DCAF10: variants seen among roughly 807,000 people sequenced by gnomAD.
DCAF10 encodes the protein DDB1 and CUL4 associated factor 10, also known as DDB1- and CUL4-associated factor 10.
Under a neutral mutation model 51.9 loss-of-function variants are expected in DCAF10, and 19 were observed. The ratio of observed to expected loss-of-function variants is 0.37; its 90% CI spans 0.26 to 0.54. The LOEUF is 0.54. Among genes scored for constraint, DCAF10 ranks in the 20% least tolerant of loss-of-function variants. The pLI is 0.87. For synonymous variants in DCAF10, 291 were observed against 297.1 expected, an observed-to-expected ratio of 0.98 and a Z score of 0.21; for missense variants, 510 against 730.6, an observed-to-expected ratio of 0.70 and a Z score of 3.48.
intron 2 of DCAF10, among the ~76,000 whole-genome samples, chr9:37,835,584 A>G (rs1479914874): frequency 6.6e-6 from 1 of 152,014 alleles, no homozygotes; most frequent in Non-Finnish European, 1.5e-5. Flanking sequence ...TCCAAAAAAA[A>G]AAAGTTACCT....
chr9:37,832,823 C>T (rs1386371878), intron 2 of DCAF10, among the ~76,000 whole-genome samples: 1 of 152,106 alleles, frequency 6.6e-6, no homozygotes, highest in African/African-American at 2.4e-5. Context: ...ATTGATGAGG[C>T]CCTTGAATAT....
At chr9:37,839,901 G>A (rs1218596707) in intron 2 of DCAF10, among the ~76,000 whole-genome samples, 1 of 152,158 alleles carries the variant, frequency 6.6e-6, no homozygotes, top group Non-Finnish European at 1.5e-5. Flanking sequence ...TATGTGTCTG[G>A]CACCATGTGT....
chr9:37,807,669 T>C (rs1829162857), intron 1 of DCAF10, among the ~76,000 whole-genome samples: 1 of 146,012 alleles, frequency 6.8e-6, no homozygotes. Context: ...TTTTTTTTTT[T>C]TTTTTTTTTT....
At chr9:37,810,696 A>G (rs1829316561) in intron 1 of DCAF10, among the ~76,000 whole-genome samples, 2 of 152,164 alleles carry the variant, frequency 1.3e-5, no homozygotes, top group Non-Finnish European at 2.9e-5. Flanking sequence ...TCCTGACCTC[A>G]GGTGATCTGT....
At chr9:37,860,285 TCTCTGCC>T in intron 6 of DCAF10, 92 bp downstream of exon 6, 1 of 1,521,994 alleles carries the variant, frequency 6.6e-7, no homozygotes, top group Non-Finnish European at 8.9e-7. Flanking sequence ...CTGACTGCAG[TCTCTGCC>T]TTCAAGGGCA....
At chr9:37,822,964 C>T (rs2117867228) in intron 2 of DCAF10, among the ~76,000 whole-genome samples, 1 of 151,880 alleles carries the variant, frequency 6.6e-6, no homozygotes, top group South Asian at 2.1e-4. Flanking sequence ...AAGACTCTAT[C>T]CTTATAAAAA....
At chr9:37,842,631 C>T (rs1388489696) in intron 3 of DCAF10, among the ~76,000 whole-genome samples, 3 of 152,086 alleles carry the variant, frequency 2.0e-5, no homozygotes, top group South Asian at 4.1e-4. Context: ...ATTTATTTTG[C>T]AATTTTTGTT....
Position 37,801,412 on chromosome 9 carries a change from G to A in DCAF10, c.539+7G>A. ...TCGAGTACTCGCCCGACGGGTAAGC[G>A]CGGCCCCTCGGAGGGCGGGCGCCCG... On this transcript the variant is annotated splice_region_variant and intron_variant, in intron 1 of 6. Coordinates refer to ENST00000377724, the MANE Select transcript of DCAF10 (RefSeq NM_024345.5). This position sits in a 1 kb window ranked among gnomAD's most constrained non-coding sequence, Gnocchi z 5.5. The A allele has an allele frequency of 6.8e-7, 1 of 1,461,582 alleles. No individual in the cohort carries two copies. Among genetic ancestry groups the A allele is most frequent in the Non-Finnish European group, 9.1e-7 (1 of 1,103,712 alleles). 90.5% of individuals were successfully genotyped at this position (1,461,582 alleles called of 1,614,324 possible).
At chr9:37,839,329 G>A (rs1274489648) in intron 2 of DCAF10, among the ~76,000 whole-genome samples, 2 of 151,974 alleles carry the variant, frequency 1.3e-5, no homozygotes, top group Non-Finnish European at 2.9e-5. Context: ...CAAAGTGCTG[G>A]GATTACAGGC....
At chr9:37,857,448 A>G (rs1830884495) in intron 5 of DCAF10, 97 bp downstream of exon 5, 3 of 888,014 alleles carry the variant, frequency 3.4e-6, no homozygotes, top group East Asian at 6.0e-5. Flanking sequence ...GTTTTAATCC[A>G]TAAAAATAAA....
chr9:37,848,243 A>G (rs1231353036), intron 3 of DCAF10, among the ~76,000 whole-genome samples: 6 of 152,214 alleles, frequency 3.9e-5, no homozygotes, highest in African/African-American at 1.4e-4. Flanking sequence ...AGAAATGAAC[A>G]TATATGGCCA....
intron 2 of DCAF10, among the ~76,000 whole-genome samples, chr9:37,823,350 A>G (rs1208063563): frequency 1.3e-5 from 2 of 152,206 alleles, no homozygotes; most frequent in East Asian, 3.8e-4. Context: ...AGTCAAGAGA[A>G]AATCTTAGAA....
chr9:37,856,124 C>G (rs938522048), intron 4 of DCAF10, among the ~76,000 whole-genome samples: 1 of 151,996 alleles, frequency 6.6e-6, no homozygotes, highest in Non-Finnish European at 1.5e-5. Flanking sequence ...CTGCCCTCCA[C>G]CCTGGGCAAC....
intron 2 of DCAF10, among the ~76,000 whole-genome samples, chr9:37,819,856 A>G (rs1012189740): frequency 6.6e-6 from 1 of 152,220 alleles, no homozygotes; most frequent in African/African-American, 2.4e-5. Context: ...TTAATTTTCA[A>G]TAATGTGGGA....
At chr9:37,846,986 G>A (rs1262089734) in intron 3 of DCAF10, among the ~76,000 whole-genome samples, 1 of 152,026 alleles carries the variant, frequency 6.6e-6, no homozygotes, top group East Asian at 1.9e-4. Flanking sequence ...GGGTGTGGTG[G>A]CTCATGCCTG....
intron 2 of DCAF10, among the ~76,000 whole-genome samples, chr9:37,833,644 T>A (rs1830066438): frequency 6.6e-6 from 1 of 152,210 alleles, no homozygotes; most frequent in Admixed American, 6.5e-5. Flanking sequence ...TACAGTCATG[T>A]ATGCTGGGGT....
chr9:37,846,504 T>C (rs1830476917), intron 3 of DCAF10, among the ~76,000 whole-genome samples: 1 of 151,824 alleles, frequency 6.6e-6, no homozygotes, highest in Non-Finnish European at 1.5e-5. Context: ...GATATTGAAT[T>C]GGTAATTTTT....
chr9:37,810,730 G>C (rs1296876884), intron 1 of DCAF10, among the ~76,000 whole-genome samples: 1 of 152,106 alleles, frequency 6.6e-6, no homozygotes, highest in Non-Finnish European at 1.5e-5. Flanking sequence ...CCAAAGTGCT[G>C]GGATTACAGG....
chr9:37,825,264 C>T (rs1190011187), intron 2 of DCAF10, among the ~76,000 whole-genome samples: 30 of 152,154 alleles, frequency 2.0e-4, no homozygotes. Flanking sequence ...AATAAAGACA[C>T]ATGCATGCAT....
Sources: allele counts gnomAD v4.1 joint callset (sites outside exome capture counted in the v4.1 genomes callset), GRCh38; gene constraint gnomAD v4.1.1; non-coding constraint Gnocchi (gnomAD v3.1); transcripts MANE v1.5; gene names NCBI Gene and HGNC (gene_info 2026-07-23, HGNC 2026-07-21).